SASH3: variants seen among roughly 807,000 people sequenced by gnomAD.
SASH3 encodes SAM and SH3 domain containing 3.
A neutral mutation model predicts 26.1 loss-of-function variants in SASH3; 7 were observed. The ratio of observed to expected loss-of-function variants is 0.27; its 90% confidence interval spans 0.15 to 0.50. SASH3 has a LOEUF of 0.50. Among genes scored for constraint, SASH3 ranks in the 20% least tolerant of loss-of-function variants. SASH3 has a pLI of 0.98. For missense variants in SASH3, 231 were observed against 318.3 expected, an observed-to-expected ratio of 0.73 and a Z score of 2.09; for synonymous variants, 138 against 136.8, an observed-to-expected ratio of 1.01 and a Z score of -0.06.
intron 1 of SASH3, 21 bp from the exon 2 acceptor site, chrX:129,787,954 C>T: frequency 1.7e-6 from 2 of 1,189,874 alleles, no homozygotes; most frequent in Non-Finnish European, 2.3e-6. Context: ...CCACTGATTG[C>T]AACACCCACC....
intron 1 of SASH3, among the ~76,000 whole-genome samples, chrX:129,782,635 C>T (rs186068833): frequency 1.8e-3 from 207 of 112,361 alleles, no homozygotes; most frequent in African/African-American, 6.5e-3. Context: ...TTGACCCCTT[C>T]TCTCTCCACT....
chrX:129,790,001 C>T (rs901440093), intron 3 of SASH3, among the ~76,000 whole-genome samples: 6 of 111,901 alleles, frequency 5.4e-5, no homozygotes, highest in African/African-American at 9.8e-5. Context: ...CTCAGGAGGA[C>T]GAGGCAAGAT....
intron 1 of SASH3, among the ~76,000 whole-genome samples, chrX:129,784,098 C>T (rs1392399961): frequency 9.0e-6 from 1 of 110,818 alleles, no homozygotes; most frequent in Non-Finnish European, 1.9e-5. Flanking sequence ...CTACACCCCC[C>T]CCTTCCCCCA....
intron 4 of SASH3, 135 bp from the exon 5 acceptor site, chrX:129,792,193 C>G (rs1569313345): frequency 1.4e-6 from 1 of 710,035 alleles, no homozygotes; most frequent in East Asian, 3.3e-5. Context: ...CAGTGTAAAG[C>G]TTGCCAGAGC....
intron 2 of SASH3, 67 bp downstream of exon 2, chrX:129,788,137 G>GGGGGTGGGGTGGC: frequency 2.8e-6 from 1 of 354,277 alleles, no homozygotes; most frequent in Non-Finnish European, 5.4e-6. Context: ...GGGTGGGAGG[G>GGGGGTGGGGTGGC]AAGAGGGTGA....
intron 1 of SASH3, among the ~76,000 whole-genome samples, chrX:129,781,166 G>C (rs922613824): frequency 8.9e-6 from 1 of 112,243 alleles, no homozygotes; most frequent in Admixed American, 9.4e-5. Context: ...GCTATCCCCC[G>C]CCAATTTTCC....
rs368144355 is a variant in SASH3, at chrX:129,793,820, C to G, written c.1131C>G (p.Ala377=). 1.1e-5 allele frequency: 13 copies of G among 1,185,602 alleles called. No homozygotes were observed. In the South Asian group the frequency reaches 2.4e-4, roughly 22 times the overall value. ...AGCAGCTGCAAGGCCTCTCCCTGGC[C>G]GGGGCACCTTGAGGTGGCGGTGGCA... ...TEEQLQGLSL[A]GAP The change falls in exon 8 of 8, where the codon GCC becomes GCG. Residue 377 remains alanine, a synonymous_variant. Transcript: ENST00000356892.
intron 3 of SASH3, among the ~76,000 whole-genome samples, chrX:129,789,168 A>AAAGAAAGAAAGAAAGAG (rs1556001597): frequency 7.3e-4 from 38 of 52,284 alleles, no homozygotes; most frequent in Non-Finnish European, 9.7e-4. Context: ...AAAGAAAGAG[A>AAAGAAAGAAAGAAAGAG]AAAAAAAAAA....
intron 3 of SASH3, among the ~76,000 whole-genome samples, chrX:129,790,565 C>A (rs1443882173): frequency 9.0e-6 from 1 of 111,045 alleles, no homozygotes; most frequent in East Asian, 2.9e-4. Flanking sequence ...GCAGGCCTGG[C>A]ACACAGAAAC....
chrX:129,789,109 A>AAAAGAAAGAAAGAAG, intron 3 of SASH3, among the ~76,000 whole-genome samples: 1 of 39,453 alleles, frequency 2.5e-5, no homozygotes, highest in Non-Finnish European at 4.0e-5. Flanking sequence ...CTCAAAAAAA[A>AAAAGAAAGAAAGAAG]AAAGAAAGAA....
Position 129,788,452 on chromosome X carries a change from G to T in SASH3, c.175G>T (p.Val59Phe). 1 of 1,211,499 alleles carries T rather than the reference G, an allele frequency of 8.3e-7. No individual in the cohort carries two copies. The highest frequency in any genetic ancestry group is 1.1e-6 in the Non-Finnish European group (1 of 895,215). The part of the protein sequence containing the change: ...DDNIPEDDSG[V>F]PTPEDAGKSG... ...ACAGATTCCAGAAGATGACTCAGGT[G>T]TCCCCACCCCAGAAGATGCTGGGAA... The change falls in exon 3 of 8, where the codon GTC becomes TTC. Residue 59 changes from valine (V) to phenylalanine (F), a missense_variant. Transcript: ENST00000356892.
chrX:129,789,176 A>G (rs1370369109), intron 3 of SASH3, among the ~76,000 whole-genome samples: 2 of 108,782 alleles, frequency 1.8e-5, no homozygotes, highest in African/African-American at 3.3e-5. Flanking sequence ...AGAAAAAAAA[A>G]AAAAAGAAAA....
At chrX:129,782,854 G>T (rs914081069) in intron 1 of SASH3, among the ~76,000 whole-genome samples, 4 of 111,794 alleles carry the variant, frequency 3.6e-5, no homozygotes, top group African/African-American at 1.3e-4. Context: ...GATTGGAGAG[G>T]CCCCAGGGTT....
At chrX:129,785,386 A>C (rs140841596) in intron 1 of SASH3, among the ~76,000 whole-genome samples, 3,902 of 111,597 alleles carry the variant, frequency 0.035, 158 homozygotes, top group African/African-American at 0.12. Flanking sequence ...GCCACCCTGG[A>C]GGGCCCTGAA....
chrX:129,794,658 T>A lies in SASH3; in HGVS notation c.*826T>A, dbSNP rs1025339715. The A allele has an allele frequency of 1.8e-5, 2 of 111,397 alleles. No individual in the cohort carries two copies. The highest frequency in any genetic ancestry group is 3.8e-5 in the Non-Finnish European group (2 of 53,089). 9.2% of individuals were successfully genotyped at this position (111,397 alleles called of 1,213,427 possible). A position where few individuals can be genotyped will look rare whatever the true frequency, so the allele number is the denominator to read the frequency against. On this transcript the variant is annotated 3_prime_UTR_variant, in exon 8 of 8. Transcript: ENST00000356892. Reference sequence around the variant, plus strand: ...CATGTAATTCAGGACAAGCTGCAACTTCCCCCAGCTTAACACAATGCCCAT... The same window carrying A: ...CATGTAATTCAGGACAAGCTGCAACATCCCCCAGCTTAACACAATGCCCAT...
Position 129,788,423 on chromosome X carries a change from T to C in SASH3, c.154-8T>C. The C allele has an allele frequency of 1.7e-6, 2 of 1,211,198 alleles. No individual in the cohort carries two copies. The highest frequency in any genetic ancestry group is 2.2e-6 in the Non-Finnish European group (2 of 895,172). ...AGGGTCCCTGGATCGCCTCTTTTGTTGTCACAGATTCCAGAAGATGACTCA... is the reference window on the plus strand; with the variant it reads ...AGGGTCCCTGGATCGCCTCTTTTGTCGTCACAGATTCCAGAAGATGACTCA... On this transcript the variant is annotated splice_polypyrimidine_tract_variant and splice_region_variant and intron_variant, in intron 2 of 7. Transcript: ENST00000356892.
At chrX:129,793,553 G>C in intron 7 of SASH3, 89 bp from the exon 8 acceptor site, 1 of 976,542 alleles carries the variant, frequency 1.0e-6, no homozygotes, top group Non-Finnish European at 1.4e-6. Context: ...GCGGTGGCAG[G>C]TGCCCAGAAG....
chrX:129,786,601 T>C (rs184727137), intron 1 of SASH3, among the ~76,000 whole-genome samples: 98 of 112,041 alleles, frequency 8.7e-4, no homozygotes, highest in Non-Finnish European at 5.6e-4. Context: ...TTTATCTTGA[T>C]ACAGGCTCAG....
chrX:129,780,193 T>G, intron 1 of SASH3, 39 bp downstream of exon 1: 1 of 1,139,324 alleles, frequency 8.8e-7, no homozygotes, highest in East Asian at 3.0e-5. Context: ...TCCTTTCCTC[T>G]GCTTGCTCGA....
Sources: allele counts gnomAD v4.1 joint callset (sites outside exome capture counted in the v4.1 genomes callset), GRCh38; gene constraint gnomAD v4.1.1; transcripts MANE v1.5; gene names NCBI Gene and HGNC (gene_info 2026-07-23, HGNC 2026-07-21).